Variants in SETD2 observed in about 807,000 individuals in gnomAD.
SETD2 encodes the protein SET domain containing 2, histone lysine methyltransferase.
In SETD2, 31 loss-of-function variants were observed where a neutral mutation model predicts 242.1. The ratio of observed to expected loss-of-function variants is 0.13; its 90% CI spans 0.10 to 0.17. SETD2 has a LOEUF of 0.17. Among genes scored for constraint, SETD2 ranks in the 10% least tolerant of loss-of-function variants. The pLI is 1.00. For synonymous variants in SETD2, 1,006 were observed against 1,066.5 expected (o/e 0.94, Z 1.11); for missense variants, 2,481 against 3,046.3 (o/e 0.81, Z 4.37).
At chr3:47,157,223 A>C (rs1407265970) in intron 1 of SETD2, among the ~76,000 whole-genome samples, 1 of 151,930 alleles carries the variant, frequency 6.6e-6, no homozygotes, top group Non-Finnish European at 1.5e-5. Flanking sequence ...TCATCGCGCC[A>C]CTGCACTCCA....
chr3:47,144,336 A>C (rs1226694046), intron 1 of SETD2, among the ~76,000 whole-genome samples: 1 of 152,062 alleles, frequency 6.6e-6, no homozygotes, highest in Non-Finnish European at 1.5e-5. Flanking sequence ...TCTAAAAAAA[A>C]TTATAAAAAT....
At chr3:47,027,916 C>G (rs944488859) in intron 18 of SETD2, among the ~76,000 whole-genome samples, 5 of 151,812 alleles carry the variant, frequency 3.3e-5, no homozygotes, top group Non-Finnish European at 7.4e-5. Flanking sequence ...CTCAGCCTCC[C>G]GAGTAGCTAG....
chr3:47,039,818 G>A (rs1167878182), intron 17 of SETD2, among the ~76,000 whole-genome samples: 1 of 148,404 alleles, frequency 6.7e-6, no homozygotes, highest in African/African-American at 2.5e-5. Flanking sequence ...TGGAGGCAGA[G>A]GTTGCAGTGA....
At position 47,084,227 on chromosome 3, in the gene SETD2, A is replaced by C. The variant is rs2041447540; in HGVS notation, c.5553T>G (p.Ala1851=). ...GATCAGGTGTGTTGAGTGGTGTATGAGCACGCGATGTATTCTCACTAGAAT... is the reference window on the plus strand; with the variant it reads ...GATCAGGTGTGTTGAGTGGTGTATGCGCACGCGATGTATTCTCACTAGAAT... The part of the protein sequence containing the change: ...DGYSSENTSR[A]HTPLNTPDPS... The change falls in exon 12 of 21, where the codon GCT becomes GCG. Residue 1851 remains alanine (A), a synonymous_variant. Transcript: ENST00000409792. 1.2e-6 allele frequency: 2 copies of C among 1,614,080 alleles called. No homozygotes were observed. The highest frequency in any genetic ancestry group is 1.7e-6 in the Non-Finnish European group (2 of 1,180,018).
intron 7 of SETD2, among the ~76,000 whole-genome samples, chr3:47,102,096 C>G (rs1652747227): frequency 6.6e-6 from 1 of 152,152 alleles, no homozygotes; most frequent in South Asian, 2.1e-4. Flanking sequence ...GCATAAGACT[C>G]AAGAATTAAA....
In SETD2 at chr3:47,017,747, CAGAGA is replaced by C; in HGVS notation, c.7432-13_7432-9del. 6.2e-7 allele frequency: 1 copy of C among 1,604,292 alleles called. No homozygotes were observed. The highest frequency in any genetic ancestry group is 2.2e-5 in the East Asian group (1 of 44,850). On this transcript the variant is annotated splice_polypyrimidine_tract_variant and intron_variant, in intron 19 of 20. Coordinates refer to ENST00000409792, the MANE Select transcript of SETD2 (RefSeq NM_014159.7). The surrounding 1 kb of genome is among the most constrained non-coding windows in gnomAD (Gnocchi z 4.8). The stretch of plus-strand genomic sequence containing the variant: ...GACGATGAACTGGGACATCTGCAGG[CAGAGA>C]AAAGAGAACACGTTGCTCAACAGTC...
At chr3:47,117,803 C>A (rs1309909906) in intron 3 of SETD2, among the ~76,000 whole-genome samples, 1 of 152,158 alleles carries the variant, frequency 6.6e-6, no homozygotes, top group Non-Finnish European at 1.5e-5. Flanking sequence ...ATAAGCCATG[C>A]CAGAGTGTGC....
At chr3:47,093,817 T>G (rs1212037457) in intron 9 of SETD2, among the ~76,000 whole-genome samples, 1 of 152,212 alleles carries the variant, frequency 6.6e-6, no homozygotes, top group Non-Finnish European at 1.5e-5. Flanking sequence ...GTTGTTCTTA[T>G]GTACCATGGA....
intron 12 of SETD2, among the ~76,000 whole-genome samples, chr3:47,076,368 G>A (rs551922272): frequency 6.6e-6 from 1 of 152,300 alleles, no homozygotes; most frequent in East Asian, 1.9e-4. Context: ...AATTTCAACA[G>A]TGTAATGGTG....
At chr3:47,131,847 A>C (rs2043484399) in intron 1 of SETD2, among the ~76,000 whole-genome samples, 1 of 150,404 alleles carries the variant, frequency 6.6e-6, no homozygotes, top group Non-Finnish European at 1.5e-5. Context: ...GCGTGACCTC[A>C]GCTCACTGCA....
At chr3:47,125,915 G>C (rs1009262547) in intron 2 of SETD2, among the ~76,000 whole-genome samples, 1 of 152,238 alleles carries the variant, frequency 6.6e-6, no homozygotes, top group African/African-American at 2.4e-5. Flanking sequence ...CTATTTAAGA[G>C]AGTAACTTCC....
At chr3:47,149,509 G>A (rs2043935669) in intron 1 of SETD2, among the ~76,000 whole-genome samples, 1 of 152,136 alleles carries the variant, frequency 6.6e-6, no homozygotes, top group Admixed American at 6.5e-5. Flanking sequence ...AAACTGAAGG[G>A]GAAATGGGCA....
intron 1 of SETD2, among the ~76,000 whole-genome samples, chr3:47,146,372 A>C (rs1167330302): frequency 1.3e-5 from 2 of 152,180 alleles, no homozygotes; most frequent in South Asian, 4.1e-4. Context: ...TCACGCCTGT[A>C]ATTCCCACAC....
intron 15 of SETD2, among the ~76,000 whole-genome samples, chr3:47,050,985 G>C (rs1460050439): frequency 6.6e-6 from 1 of 151,626 alleles, no homozygotes; most frequent in Non-Finnish European, 1.5e-5. Flanking sequence ...CCCACACCTC[G>C]GCTTCCCAAA....
At chr3:47,127,964 G>C (rs2043382718) in intron 1 of SETD2, among the ~76,000 whole-genome samples, 1 of 151,698 alleles carries the variant, frequency 6.6e-6, no homozygotes, top group African/African-American at 2.4e-5. Flanking sequence ...TCCAGTCTGA[G>C]CAACTGAGTG....
At position 47,064,588 on chromosome 3, in the gene SETD2, T is replaced by A. The variant is rs546614743; in HGVS notation, c.6110-2242A>T. On this transcript the variant is annotated intron_variant, in intron 13 of 20. Coordinates refer to ENST00000409792, the MANE Select transcript of SETD2 (RefSeq NM_014159.7). ...CATATTCTGACTCTGCACCTTAGAA[T>A]ATGTGAGGCAGACAAGTCATTCCAT... The A allele has an allele frequency of 2.7e-5, 10 of 369,946 alleles. No individual in the cohort carries two copies. In the East Asian group the frequency reaches 9.6e-4, roughly 36 times the overall value. 22.9% of individuals were successfully genotyped at this position (369,946 alleles called of 1,614,324 possible).
At chr3:47,142,888 T>G (rs1227813205) in intron 1 of SETD2, among the ~76,000 whole-genome samples, 1 of 152,124 alleles carries the variant, frequency 6.6e-6, no homozygotes, top group East Asian at 1.9e-4. Flanking sequence ...AGGCTGGTCT[T>G]GAACTCCTGA....
intron 7 of SETD2, among the ~76,000 whole-genome samples, chr3:47,102,525 T>G (rs2042253557): frequency 6.6e-6 from 1 of 152,216 alleles, no homozygotes; most frequent in Non-Finnish European, 1.5e-5. Context: ...GTGCGGAGGC[T>G]CACGCCTATA....
intron 7 of SETD2, 76 bp from the exon 8 acceptor site, chr3:47,101,631 T>TGTGTGC (rs2042217685): frequency 1.3e-6 from 1 of 754,402 alleles, no homozygotes; most frequent in Non-Finnish European, 2.2e-6. Context: ...TGTGTGTGTG[T>TGTGTGC]GTGCGCATAT....
Sources: allele counts gnomAD v4.1 joint callset (sites outside exome capture counted in the v4.1 genomes callset), GRCh38; gene constraint gnomAD v4.1.1; non-coding constraint Gnocchi (gnomAD v3.1); transcripts MANE v1.5; gene names NCBI Gene and HGNC (gene_info 2026-07-23, HGNC 2026-07-21).